DNAH11: variants seen among roughly 807,000 people sequenced by gnomAD.
DNAH11 encodes the protein axonemal beta dynein heavy chain 11.
Under a neutral mutation model 526.0 loss-of-function variants are expected in DNAH11, and 442 were observed. That is an observed-to-expected ratio of 0.84 (90% CI 0.78 to 0.91). The LOEUF (loss-of-function observed/expected upper bound fraction) is 0.91. Ranked by LOEUF, DNAH11 falls within the 40% of genes least tolerant of loss-of-function variation. The probability of loss-of-function intolerance (pLI) is 0.00; values close to 1 mark genes in which losing one functional copy is unlikely to be tolerated. For synonymous variants in DNAH11, 2,461 were observed against 1,935.9 expected (o/e 1.27, Z -7.12); for missense variants, 6,989 against 5,448.7 (o/e 1.28, Z -8.90).
At chr7:21,809,649 C>T (rs151204675) in intron 63 of DNAH11, among the ~76,000 whole-genome samples, 4,174 of 152,152 alleles carry the variant, frequency 0.027, 176 homozygotes, top group African/African-American at 0.09. Context: ...CTACAACCTC[C>T]GCCCCCGAGG....
rs1486747465 is a variant in DNAH11, at chr7:21,545,293, AAAAGC to A, written c.495+145_495+149del. On this transcript the variant is annotated intron_variant, in intron 2 of 81. Coordinates refer to ENST00000409508, the MANE Select transcript of DNAH11 (RefSeq NM_001277115.2). Reference sequence around the variant, plus strand: ...GGTGGTTAAAAAAAAAAAAAAAAAAAAAAGCTTGTAGAAGCCAGGAGTCTCTAGCC... The same window carrying A: ...GGTGGTTAAAAAAAAAAAAAAAAAAATTGTAGAAGCCAGGAGTCTCTAGCC... 4.4e-4 allele frequency: 339 copies of A among 775,720 alleles called. 2 individuals are homozygous for A. The African/African-American group carries it at 5.8e-3, about 13-fold the overall frequency. 48.1% of individuals were successfully genotyped at this position (775,720 alleles called of 1,614,324 possible). A position where few individuals can be genotyped will look rare whatever the true frequency, so the allele number is the denominator to read the frequency against.
At chr7:21,808,499 G>A (rs1345797665) in intron 63 of DNAH11, among the ~76,000 whole-genome samples, 4 of 152,048 alleles carry the variant, frequency 2.6e-5, no homozygotes, top group Non-Finnish European at 5.9e-5. Flanking sequence ...TCTAACTGTA[G>A]TTTTGTACCT....
intron 79 of DNAH11, 58 bp from the exon 80 acceptor site, chr7:21,899,278 C>A: frequency 1.4e-6 from 2 of 1,395,484 alleles, no homozygotes; most frequent in Non-Finnish European, 1.0e-6. Context: ...ACAGAACATA[C>A]TGGAAAATGG....
rs114694338 is a variant in DNAH11 at position 21,900,989 on chromosome 7, G to T, written c.13304-18G>T. On this transcript the variant is annotated intron_variant, in intron 81 of 81. Coordinates refer to ENST00000409508, the MANE Select transcript of DNAH11 (RefSeq NM_001277115.2). The stretch of plus-strand genomic sequence containing the variant: ...AGCAAGCTGCCACACAATTGCAACC[G>T]CTGTGTTTTTGCCATAGGCGCCCGC... 6.4e-7 allele frequency: 1 copy of T among 1,559,828 alleles called. No individual in the cohort carries two copies. Among genetic ancestry groups the T allele is most frequent in the South Asian group, 1.2e-5 (1 of 81,726 alleles).
At chr7:21,889,604 G>A (rs971621144) in intron 76 of DNAH11, among the ~76,000 whole-genome samples, 1 of 152,208 alleles carries the variant, frequency 6.6e-6, no homozygotes, top group Non-Finnish European at 1.5e-5. Flanking sequence ...TGGAGGTACA[G>A]TGGTGTCACA....
At chr7:21,846,473 A>C (rs1305776025) in intron 66 of DNAH11, among the ~76,000 whole-genome samples, 1 of 152,058 alleles carries the variant, frequency 6.6e-6, no homozygotes, top group African/African-American at 2.4e-5. Context: ...TTCTGCATTT[A>C]TTGATATGAC....
intron 28 of DNAH11, among the ~76,000 whole-genome samples, chr7:21,639,568 G>A (rs988074658): frequency 6.6e-6 from 1 of 152,084 alleles, no homozygotes; most frequent in Non-Finnish European, 1.5e-5. Flanking sequence ...CCCTATCTCT[G>A]CAAAAATAAT....
At chr7:21,636,862 C>T (rs1242305479) in intron 26 of DNAH11, among the ~76,000 whole-genome samples, 1 of 152,130 alleles carries the variant, frequency 6.6e-6, no homozygotes, top group African/African-American at 2.4e-5. Context: ...GATTCATCTT[C>T]AGAAGTAAAA....
In DNAH11 at chr7:21,615,163, A is replaced by G. The variant is rs775932813; in HGVS notation, c.3902A>G (p.Glu1301Gly). 6.2e-7 allele frequency: 1 copy of G among 1,613,026 alleles called. No individual in the cohort carries two copies. Among genetic ancestry groups the G allele is most frequent in the South Asian group, 1.1e-5 (1 of 90,848 alleles). Residue 1301 changes from glutamate to glycine, a missense_variant, in exon 21 of 82, where the codon GAA becomes GGA. Transcript: ENST00000409508. Reference sequence around the variant, plus strand: ...GAAGAAGAAATGTTGCAGATGCAAGAATCTACTCGTCTTTTTGAAGTGGCT... The same window carrying G: ...GAAGAAGAAATGTTGCAGATGCAAGGATCTACTCGTCTTTTTGAAGTGGCT... ...ALEEEMLQMQESTRLFEVALP... is the reference protein window; with the variant it reads ...ALEEEMLQMQGSTRLFEVALP...
At chr7:21,609,406 G>C (rs1298401313) in intron 20 of DNAH11, among the ~76,000 whole-genome samples, 2 of 152,188 alleles carry the variant, frequency 1.3e-5, no homozygotes, top group Non-Finnish European at 2.9e-5. Context: ...TTTTAGTAGA[G>C]ACAGGGTTTC....
At chr7:21,774,434 C>CCTTAGTGA (rs1787575686) in intron 56 of DNAH11, among the ~76,000 whole-genome samples, 1 of 152,058 alleles carries the variant, frequency 6.6e-6, no homozygotes, top group African/African-American at 2.4e-5. Context: ...GCTGTTCCTC[C>CCTTAGTGA]CTTAGTGACT....
rs1206016360 is a variant in DNAH11 at position 21,719,997 on chromosome 7, C to G, written c.7135-728C>G. On this transcript the variant is annotated intron_variant, in intron 43 of 81. Transcript: ENST00000409508. ...TGCAGCAGCCGCATTCCCCTCATTG[C>G]TGGCGCAACTGCCCTAAGCATGGGC... Among the ~76,000 whole-genome samples, 3 of 152,366 alleles carry G rather than the reference C, an allele frequency of 2.0e-5. No individual in the cohort carries two copies. In the East Asian group the frequency reaches 5.8e-4, roughly 29 times the overall value.
intron 26 of DNAH11, among the ~76,000 whole-genome samples, chr7:21,637,333 T>A (rs1786913313): frequency 6.6e-6 from 1 of 152,134 alleles, no homozygotes; most frequent in South Asian, 2.1e-4. Flanking sequence ...TTATTCTTTT[T>A]CGTTTGATTT....
At chr7:21,763,619 G>T (rs1787029419) in intron 54 of DNAH11, among the ~76,000 whole-genome samples, 1 of 151,404 alleles carries the variant, frequency 6.6e-6, no homozygotes. Flanking sequence ...ATTGAAAACA[G>T]AATTGCCATA....
At chr7:21,574,757 G>A (rs1784020936) in intron 8 of DNAH11, among the ~76,000 whole-genome samples, 1 of 150,310 alleles carries the variant, frequency 6.7e-6, no homozygotes, top group African/African-American at 2.5e-5. Flanking sequence ...GTAGAGATGG[G>A]GTTTCGCCAT....
At chr7:21,650,782 G>C (rs1298622680) in intron 28 of DNAH11, among the ~76,000 whole-genome samples, 1 of 151,702 alleles carries the variant, frequency 6.6e-6, no homozygotes, top group Non-Finnish European at 1.5e-5. Context: ...GGGGATTACA[G>C]GCACATGCTA....
chr7:21,568,888 A>C (rs2128435664), intron 6 of DNAH11, among the ~76,000 whole-genome samples: 1 of 152,348 alleles, frequency 6.6e-6, no homozygotes, highest in East Asian at 1.9e-4. Context: ...GCCACATCAA[A>C]GTGTCAACTC....
intron 20 of DNAH11, 53 bp downstream of exon 20, chr7:21,606,786 T>C (rs1402877263): frequency 2.7e-6 from 4 of 1,458,580 alleles, no homozygotes; most frequent in Admixed American, 2.0e-5. Flanking sequence ...CTTTAAAAAA[T>C]GTAAGTTTAG....
chr7:21,821,810 A>G (rs1238196228), intron 65 of DNAH11, among the ~76,000 whole-genome samples: 2 of 152,092 alleles, frequency 1.3e-5, no homozygotes, highest in African/African-American at 2.4e-5. Flanking sequence ...TATTCCTTCT[A>G]ACTGTATTTT....
Sources: allele counts gnomAD v4.1 joint callset (sites outside exome capture counted in the v4.1 genomes callset), GRCh38; gene constraint gnomAD v4.1.1; transcripts MANE v1.5; gene names NCBI Gene and HGNC (gene_info 2026-07-23, HGNC 2026-07-21).